Variants in PCDHGB2 observed in about 807,000 individuals in gnomAD.
PCDHGB2 encodes protocadherin gamma-B2.
Under a neutral mutation model 59.3 loss-of-function variants are expected in PCDHGB2, and 55 were observed. That is an observed-to-expected ratio of 0.93 (90% confidence interval 0.75 to 1.16). The LOEUF (loss-of-function observed/expected upper bound fraction) is 1.16, where lower values mean the gene tolerates loss of function less well. Ranked by LOEUF, PCDHGB2 falls within the 50% of genes most tolerant of loss-of-function variation. The pLI is 0.00. For missense variants in PCDHGB2, 1,228 were observed against 1,198.5 expected, an observed-to-expected ratio of 1.02 and a Z score of -0.36; for synonymous variants, 516 against 512.0, an observed-to-expected ratio of 1.01 and a Z score of -0.11.
intron 1 of PCDHGB2, among the ~76,000 whole-genome samples, chr5:141,450,951 A>G (rs1018018318): frequency 1.3e-5 from 2 of 151,732 alleles, no homozygotes; most frequent in Non-Finnish European, 2.9e-5. Context: ...CAGCCTCCCA[A>G]GTAGCTGGGA....
intron 1 of PCDHGB2, among the ~76,000 whole-genome samples, chr5:141,433,641 G>A (rs1177387884): frequency 6.6e-6 from 1 of 152,104 alleles, no homozygotes; most frequent in Non-Finnish European, 1.5e-5. Flanking sequence ...TTTGAGACCA[G>A]CCTGACCAAC....
At chr5:141,366,726 C>G (rs761086416) in intron 1 of PCDHGB2, 3 of 1,613,226 alleles carry the variant, frequency 1.9e-6, no homozygotes, top group Admixed American at 3.3e-5. Context: ...AAGGTAGATG[C>G]AAACAAAGAA....
intron 1 of PCDHGB2, among the ~76,000 whole-genome samples, chr5:141,451,571 A>G (rs2098719323): frequency 6.6e-6 from 1 of 152,188 alleles, no homozygotes; most frequent in Non-Finnish European, 1.5e-5. Context: ...CAATCTTTTT[A>G]TAAACCTAAT....
In PCDHGB2 at chr5:141,361,631, G is replaced by T. The variant is rs534427524; in HGVS notation, c.1496G>T (p.Arg499Leu). 1 of 1,613,902 alleles carries T rather than the reference G, an allele frequency of 6.2e-7. No individual in the cohort carries two copies. The highest frequency in any genetic ancestry group is 8.5e-7 in the Non-Finnish European group (1 of 1,179,896). Residue 499 changes from arginine to leucine, a missense_variant, in exon 1 of 4, where the codon CGG becomes CTG. By Grantham distance (102) the Arg-to-Leu change is moderately radical (BLOSUM62 -2). This residue lies in a region of PCDHGB2 where 781 missense variants were observed against 721.6 expected (regional missense o/e 1.08). Coordinates refer to ENST00000522605, the MANE Select transcript of PCDHGB2 (RefSeq NM_018923.3). ...YSIVASDLKPREILSYVSVSA... is the reference protein window; with the variant it reads ...YSIVASDLKPLEILSYVSVSA... Reference sequence around the variant, plus strand: ...ATCGTAGCGAGCGACCTGAAGCCGCGGGAGATTTTATCCTACGTGTCCGTG... The same window carrying T: ...ATCGTAGCGAGCGACCTGAAGCCGCTGGAGATTTTATCCTACGTGTCCGTG...
chr5:141,409,857 T>C (rs761331515), intron 1 of PCDHGB2: 2 of 1,612,228 alleles, frequency 1.2e-6, no homozygotes, highest in African/African-American at 2.7e-5. Context: ...CGCGTGTTGG[T>C]GGGAGACCGC....
rs1288071067 is a variant in PCDHGB2 at position 141,404,171 on chromosome 5, GC to G, written c.2421+41618del. ...AGAAGATTATTACAGATTGTTGACG[GC>G]CCAAATTCTTGACCGAGAAAAAGCC... On this transcript the variant is annotated intron_variant, in intron 1 of 3. Coordinates refer to ENST00000522605, the MANE Select transcript of PCDHGB2 (RefSeq NM_018923.3). 5.6e-6 allele frequency: 9 copies of G among 1,612,616 alleles called. No homozygotes were observed. The African/African-American group carries it at 9.4e-5, about 17-fold the overall frequency.
At chr5:141,415,884 A>C in intron 1 of PCDHGB2, 1 of 981,534 alleles carries the variant, frequency 1.0e-6, no homozygotes, top group Non-Finnish European at 1.4e-6. Context: ...TACAATATTG[A>C]CAATTCCTAA....
At chr5:141,363,356 T>C (rs1167881605) in intron 1 of PCDHGB2, among the ~76,000 whole-genome samples, 3 of 152,250 alleles carry the variant, frequency 2.0e-5, no homozygotes, top group Non-Finnish European at 4.4e-5. Context: ...GAAATGTCCA[T>C]TTTTTTCAAT....
intron 1 of PCDHGB2, chr5:141,414,447 C>A (rs2095748360): frequency 1.2e-6 from 2 of 1,613,848 alleles, no homozygotes; most frequent in East Asian, 2.2e-5. Flanking sequence ...CTTACAATAT[C>A]ACAGTGACAG....
chr5:141,389,560 G>T (rs1323439261), intron 1 of PCDHGB2: 5 of 1,613,224 alleles, frequency 3.1e-6, no homozygotes, highest in Non-Finnish European at 4.2e-6. Flanking sequence ...AATGCGCCAC[G>T]GGTGCTGTAC....
intron 1 of PCDHGB2, among the ~76,000 whole-genome samples, chr5:141,447,450 C>G (rs540357899): frequency 1.3e-5 from 2 of 152,082 alleles, no homozygotes; most frequent in African/African-American, 2.4e-5. Context: ...AATTTTTAAC[C>G]TCAGTTTTTC....
intron 1 of PCDHGB2, among the ~76,000 whole-genome samples, chr5:141,369,996 C>T (rs1292122597): frequency 6.6e-6 from 1 of 152,078 alleles, no homozygotes; most frequent in Non-Finnish European, 1.5e-5. Flanking sequence ...GGATAAAGCT[C>T]AAATTAAAAG....
intron 1 of PCDHGB2, among the ~76,000 whole-genome samples, chr5:141,474,420 T>C (rs1260451051): frequency 2.0e-5 from 3 of 152,226 alleles, no homozygotes; most frequent in Admixed American, 2.0e-4. Flanking sequence ...GCCTAGACCA[T>C]TGGTCCTCAC....
chr5:141,360,990 C>A lies in PCDHGB2; in HGVS notation c.855C>A (p.Asp285Glu). Residue 285 changes from aspartate (D) to glutamate (E), a missense_variant, in exon 1 of 4, where the codon GAC becomes GAA. Transcript: ENST00000522605. ...TCACCTACTCCTTTCATAATGTGGA[C>A]GAACAAGTGAAACACTTTTTCAACT... ...AEITYSFHNV[D>E]EQVKHFFNLN... 1.2e-6 allele frequency: 2 copies of A among 1,613,454 alleles called. No individual in the cohort carries two copies. The highest frequency in any genetic ancestry group is 1.3e-5 in the African/African-American group (1 of 75,006).
chr5:141,421,251 G>C (rs771398829), intron 1 of PCDHGB2: 1 of 1,606,888 alleles, frequency 6.2e-7, no homozygotes, highest in Non-Finnish European at 8.5e-7. Context: ...TACAGCGCGG[G>C]GACCGCAGTC....
chr5:141,454,998 G>A (rs909142112), intron 1 of PCDHGB2, among the ~76,000 whole-genome samples: 1 of 151,220 alleles, frequency 6.6e-6, no homozygotes, highest in Admixed American at 6.6e-5. Flanking sequence ...ATTTTTAGTA[G>A]AGACGGGGTT....
chr5:141,466,099 G>A (rs879849411), intron 1 of PCDHGB2, among the ~76,000 whole-genome samples: 2 of 151,938 alleles, frequency 1.3e-5, no homozygotes, highest in Non-Finnish European at 2.9e-5. Context: ...TCCAGCCTGG[G>A]CAACAGAGTG....
chr5:141,408,437 G>A (rs368564960), intron 1 of PCDHGB2: 1 of 1,614,068 alleles, frequency 6.2e-7, no homozygotes, highest in Admixed American at 1.7e-5. Flanking sequence ...CAGCGTAGAC[G>A]CGGAGAGCGG....
At position 141,375,341 on chromosome 5, in the gene PCDHGB2, A is replaced by C. The variant is rs1378038175; in HGVS notation, c.2421+12785A>C. ...CCGGGAAGAGGTATTCTTGTACAAC[A>C]TCACTGTGACAGCCACGGACAAAGG... On this transcript the variant is annotated intron_variant, in intron 1 of 3. Transcript: ENST00000522605. 4.3e-6 allele frequency: 7 copies of C among 1,613,856 alleles called. No individual in the cohort carries two copies. Among genetic ancestry groups the C allele is most frequent in the South Asian group, 2.2e-5 (2 of 91,080 alleles).
Sources: allele counts gnomAD v4.1 joint callset (sites outside exome capture counted in the v4.1 genomes callset), GRCh38; gene constraint gnomAD v4.1.1; regional missense constraint gnomAD v4.1.1; transcripts MANE v1.5; gene names NCBI Gene and HGNC (gene_info 2026-07-23, HGNC 2026-07-21).